The following SNX29 variants were observed in gnomAD, a reference collection of about 807,000 sequenced individuals.
SNX29 encodes sorting nexin-29.
Under a neutral mutation model 102.1 loss-of-function variants are expected in SNX29, and 78 were observed. The ratio of observed to expected loss-of-function variants is 0.76; its 90% CI spans 0.64 to 0.92. The LOEUF (loss-of-function observed/expected upper bound fraction) is 0.92, where lower values mean the gene tolerates loss of function less well. Among genes scored for constraint, SNX29 ranks in the 40% least tolerant of loss-of-function variants. The pLI is 0.00. For synonymous variants in SNX29, 580 were observed against 414.5 expected, an observed-to-expected ratio of 1.40 and a Z score of -4.85; for missense variants, 1,280 against 1,061.7, an observed-to-expected ratio of 1.21 and a Z score of -2.86.
chr16:12,419,218 C>T (rs907223354), intron 18 of SNX29, among the ~76,000 whole-genome samples: 6 of 152,054 alleles, frequency 3.9e-5, no homozygotes, highest in South Asian at 2.1e-4. Context: ...CATCTTGGTC[C>T]GAGGGCTGGT....
At chr16:12,238,546 A>T (rs1239194271) in intron 14 of SNX29, among the ~76,000 whole-genome samples, 1 of 151,786 alleles carries the variant, frequency 6.6e-6, no homozygotes, top group African/African-American at 2.4e-5. Context: ...CTGGTCTCAA[A>T]CTCCTGACCT....
rs528040383 is a variant in SNX29 at position 12,571,448 on chromosome 16, A to C, written c.*2819A>C. 1 of 238,578 alleles carries C rather than the reference A, an allele frequency of 4.2e-6. No individual in the cohort carries two copies. The highest frequency in any genetic ancestry group is 8.1e-6 in the Non-Finnish European group (1 of 123,714). The allele number at this position is 238,578 out of a possible 1,614,324, so 14.8% of individuals were successfully genotyped here. A position where few individuals can be genotyped will look rare whatever the true frequency, so the allele number is the denominator to read the frequency against. ...AAGATTACTCGGAGATTTTCAAACA[A>C]CATCTGAGAACAGAAGCCCCCTCCC... On this transcript the variant is annotated 3_prime_UTR_variant, in exon 21 of 21. Coordinates refer to ENST00000566228, the MANE Select transcript of SNX29 (RefSeq NM_032167.5).
At chr16:12,567,404 C>G (rs1045378803) in intron 20 of SNX29, among the ~76,000 whole-genome samples, 1 of 152,192 alleles carries the variant, frequency 6.6e-6, no homozygotes, top group Admixed American at 6.5e-5. Flanking sequence ...ACTTCCTATT[C>G]AAATAGCGTA....
chr16:12,162,959 G>A (rs977733588), intron 13 of SNX29, among the ~76,000 whole-genome samples: 2 of 152,030 alleles, frequency 1.3e-5, no homozygotes. Flanking sequence ...TTGGCTCACT[G>A]CAACCTCCGC....
At chr16:12,564,184 T>G (rs1030928166) in intron 20 of SNX29, among the ~76,000 whole-genome samples, 3 of 151,616 alleles carry the variant, frequency 2.0e-5, no homozygotes, top group Admixed American at 2.0e-4. Flanking sequence ...GTTCAGGAGT[T>G]TGAGACCGTC....
Position 12,514,900 on chromosome 16 carries a change from G to A in SNX29, c.2179-9802G>A, listed in dbSNP as rs743663. On this transcript the variant is annotated intron_variant, in intron 19 of 20. Coordinates refer to ENST00000566228, the MANE Select transcript of SNX29 (RefSeq NM_032167.5). Reference sequence around the variant, plus strand: ...AGAAAGAAAGAAAGAGAGAGAGAGAGGGAGAGAGAAAGAAAGAGAGAAAGA... The same window carrying A: ...AGAAAGAAAGAAAGAGAGAGAGAGAAGGAGAGAGAAAGAAAGAGAGAAAGA... 4.8e-3 allele frequency among the ~76,000 whole-genome samples: 716 copies of A among 149,082 alleles called. 6 individuals carry two copies. The highest frequency in any genetic ancestry group is 0.017 in the African/African-American group (690 of 40,058).
At chr16:12,541,182 T>G (rs1252818515) in intron 20 of SNX29, among the ~76,000 whole-genome samples, 4 of 152,134 alleles carry the variant, frequency 2.6e-5, no homozygotes, top group African/African-American at 9.7e-5. Context: ...TTCCTCAGTA[T>G]TGTCTATCCT....
chr16:12,199,882 A>G (rs922524499), intron 14 of SNX29, among the ~76,000 whole-genome samples, 199 bp downstream of exon 14: 1 of 152,254 alleles, frequency 6.6e-6, no homozygotes, highest in African/African-American at 2.4e-5. Context: ...TAGTATTGTA[A>G]GACTCACTTG....
chr16:12,380,891 T>TCCACCCAC, intron 16 of SNX29, among the ~76,000 whole-genome samples: 1 of 78,434 alleles, frequency 1.3e-5, no homozygotes, highest in African/African-American at 5.0e-5. Context: ...CCACCATCCA[T>TCCACCCAC]CCACCTACCC....
Position 12,299,229 on chromosome 16 carries a change from G to A in SNX29, c.1782+21193G>A, listed in dbSNP as rs140784487. Among the ~76,000 whole-genome samples the A allele has an allele frequency of 2.2e-3, 342 of 152,212 alleles. 13 individuals are homozygous for A. The East Asian group carries it at 0.055, about 24-fold the overall frequency. Reference sequence around the variant, plus strand: ...GCAGGAGAATCGCTGGCACCCAGGAGACGGAGGTTGCAGTGAGCTGAGATC... The same window carrying A: ...GCAGGAGAATCGCTGGCACCCAGGAAACGGAGGTTGCAGTGAGCTGAGATC... On this transcript the variant is annotated intron_variant, in intron 15 of 20. Transcript: ENST00000566228.
intron 14 of SNX29, among the ~76,000 whole-genome samples, chr16:12,237,697 AG>A (rs149822068): frequency 0.052 from 7,951 of 151,800 alleles, 317 homozygotes; most frequent in East Asian, 0.2. Context: ...ACCTGAGGTC[AG>A]GAGTTTGAGA....
chr16:12,117,875 C>T (rs1028148093), intron 11 of SNX29, among the ~76,000 whole-genome samples: 5 of 152,024 alleles, frequency 3.3e-5, no homozygotes, highest in African/African-American at 7.3e-5. Context: ...GCGGGCGGAT[C>T]ACAAGGTCAG....
chr16:12,089,528 A>G (rs914235274), intron 11 of SNX29, among the ~76,000 whole-genome samples: 2 of 152,152 alleles, frequency 1.3e-5, no homozygotes, highest in African/African-American at 4.8e-5. Context: ...GGCAAAGCCT[A>G]TGCCCTGTTT....
rs751945341 is a variant in SNX29, at chr16:12,569,760, A to G, written c.*1131A>G. 5.2e-5 allele frequency: 12 copies of G among 230,404 alleles called. No individual in the cohort carries two copies. The highest frequency in any genetic ancestry group is 9.5e-5 in the Non-Finnish European group (11 of 116,344). The allele number at this position is 230,404 out of a possible 1,614,324, so 14.3% of individuals were successfully genotyped here. On this transcript the variant is annotated 3_prime_UTR_variant, in exon 21 of 21. Transcript: ENST00000566228. ...AGGGCTCCTCCTCCAGTGAGCTCACATCAGAGCACCTCACAGAGCAATAGC... is the reference window on the plus strand; with the variant it reads ...AGGGCTCCTCCTCCAGTGAGCTCACGTCAGAGCACCTCACAGAGCAATAGC...
intron 14 of SNX29, among the ~76,000 whole-genome samples, chr16:12,226,249 G>A (rs1042237731): frequency 2.6e-5 from 4 of 152,208 alleles, no homozygotes; most frequent in Admixed American, 6.5e-5. Flanking sequence ...TTGGGATGTC[G>A]TAACCAGCAG....
intron 18 of SNX29, among the ~76,000 whole-genome samples, chr16:12,438,246 C>G (rs1160519650): frequency 1.3e-5 from 2 of 152,192 alleles, no homozygotes; most frequent in African/African-American, 2.4e-5. Flanking sequence ...GCAGGCAGTT[C>G]ACTGCAGGCG....
At chr16:12,536,011 C>T (rs571563107) in intron 20 of SNX29, among the ~76,000 whole-genome samples, 10 of 152,262 alleles carry the variant, frequency 6.6e-5, no homozygotes, top group South Asian at 2.1e-4. Context: ...GACACGCACT[C>T]GGAGCTATCC....
At chr16:12,145,279 T>G (rs2141538758) in intron 13 of SNX29, among the ~76,000 whole-genome samples, 1 of 152,292 alleles carries the variant, frequency 6.6e-6, no homozygotes, top group African/African-American at 2.4e-5. Flanking sequence ...CCAAATCCCA[T>G]GACTGTAGCG....
intron 11 of SNX29, among the ~76,000 whole-genome samples, chr16:12,090,690 T>TG (rs565836422): frequency 1.2e-4 from 18 of 152,292 alleles, no homozygotes; most frequent in Admixed American, 6.5e-4. Context: ...TTCCTATTTC[T>TG]GGGGCAATTC....
Sources: allele counts gnomAD v4.1 joint callset (sites outside exome capture counted in the v4.1 genomes callset), GRCh38; gene constraint gnomAD v4.1.1; transcripts MANE v1.5; gene names NCBI Gene and HGNC (gene_info 2026-07-23, HGNC 2026-07-21).